Variants in PRICKLE1 observed in about 807,000 individuals in gnomAD.
PRICKLE1 encodes the protein prickle-like protein 1.
PRICKLE1 carries 14 observed loss-of-function variants against 70.2 expected under a neutral mutation model. The ratio of observed to expected loss-of-function variants is 0.20; its 90% CI spans 0.13 to 0.31. The LOEUF is 0.31. Ranked by LOEUF, PRICKLE1 falls within the 10% of genes least tolerant of loss-of-function variation. PRICKLE1 has a pLI of 1.00. For synonymous variants in PRICKLE1, 357 were observed against 379.9 expected, an observed-to-expected ratio of 0.94 and a Z score of 0.70; for missense variants, 821 against 1,026.2, an observed-to-expected ratio of 0.80 and a Z score of 2.73.
intron 1 of PRICKLE1, among the ~76,000 whole-genome samples, chr12:42,583,059 A>T (rs939533037): frequency 6.6e-6 from 1 of 152,162 alleles, no homozygotes; most frequent in African/African-American, 2.4e-5. Flanking sequence ...ATATTTGCTT[A>T]TCAGTGAAAT....
intron 1 of PRICKLE1, among the ~76,000 whole-genome samples, chr12:42,519,189 T>C (rs1324597624): frequency 8.3e-6 from 1 of 120,926 alleles, no homozygotes; most frequent in Non-Finnish European, 1.7e-5. Context: ...CTTTCCTTTT[T>C]TTCCTTTTTT....
chr12:42,562,212 C>T (rs961752188), intron 1 of PRICKLE1, among the ~76,000 whole-genome samples: 1 of 152,028 alleles, frequency 6.6e-6, no homozygotes, highest in Non-Finnish European at 1.5e-5. Context: ...GCCTGGCTCC[C>T]ACCCATTTTC....
intron 1 of PRICKLE1, among the ~76,000 whole-genome samples, chr12:42,539,762 A>G (rs1382211160): frequency 1.3e-5 from 2 of 152,228 alleles, no homozygotes; most frequent in African/African-American, 2.4e-5. Flanking sequence ...TTTTTTAAAG[A>G]GTCCTTTGTG....
chr12:42,517,822 C>T (rs554021184), intron 1 of PRICKLE1, among the ~76,000 whole-genome samples: 48 of 152,096 alleles, frequency 3.2e-4, no homozygotes, highest in African/African-American at 9.4e-4. Flanking sequence ...GGGTACTTAA[C>T]AAGAAAAGTG....
chr12:42,582,605 A>C (rs562040543), intron 1 of PRICKLE1, among the ~76,000 whole-genome samples: 1 of 152,332 alleles, frequency 6.6e-6, no homozygotes, highest in South Asian at 2.1e-4. Flanking sequence ...TCAACATTAG[A>C]GCACTAAGCA....
At chr12:42,501,639 C>T (rs540417057) in intron 1 of PRICKLE1, among the ~76,000 whole-genome samples, 4 of 151,852 alleles carry the variant, frequency 2.6e-5, no homozygotes, top group East Asian at 3.9e-4. Context: ...CTGATTCCTA[C>T]GAATATCTTT....
At chr12:42,492,578 T>C (rs2140172108) in intron 1 of PRICKLE1, among the ~76,000 whole-genome samples, 1 of 152,324 alleles carries the variant, frequency 6.6e-6, no homozygotes, top group Middle Eastern at 3.4e-3. Context: ...AGACCCTTTC[T>C]GCAACTGTAG....
intron 1 of PRICKLE1, among the ~76,000 whole-genome samples, chr12:42,510,011 T>C (rs955815088): frequency 6.6e-6 from 1 of 151,024 alleles, no homozygotes; most frequent in Non-Finnish European, 1.5e-5. Flanking sequence ...AGGTGGAGAC[T>C]GCAGTGAGCC....
chr12:42,502,939 A>G (rs527656198), intron 1 of PRICKLE1, among the ~76,000 whole-genome samples: 19 of 152,316 alleles, frequency 1.2e-4, no homozygotes, highest in African/African-American at 3.6e-4. Flanking sequence ...GCTGAAATTA[A>G]AGATGTTTTA....
chr12:42,568,476 G>A (rs530888985), intron 1 of PRICKLE1, among the ~76,000 whole-genome samples: 2 of 152,222 alleles, frequency 1.3e-5, no homozygotes, highest in South Asian at 4.2e-4. Context: ...TGCCCAGCCC[G>A]CATTATTTTA....
chr12:42,563,418 G>A (rs567880388), intron 1 of PRICKLE1, among the ~76,000 whole-genome samples: 1 of 151,712 alleles, frequency 6.6e-6, no homozygotes, highest in African/African-American at 2.4e-5. Flanking sequence ...AAAATCTTTT[G>A]GCCGGGCGTG....
chr12:42,508,904 T>C (rs1289358613), intron 1 of PRICKLE1, among the ~76,000 whole-genome samples: 1 of 152,252 alleles, frequency 6.6e-6, no homozygotes, highest in Non-Finnish European at 1.5e-5. Context: ...CTCTAAGTTC[T>C]TTTGGCTATG....
At chr12:42,480,871 G>T (rs1938767990) in intron 1 of PRICKLE1, among the ~76,000 whole-genome samples, 1 of 152,154 alleles carries the variant, frequency 6.6e-6, no homozygotes, top group Non-Finnish European at 1.5e-5. Context: ...CAGGCAATGG[G>T]AAGCTGCAAA....
intron 1 of PRICKLE1, among the ~76,000 whole-genome samples, chr12:42,503,017 C>T (rs532375832): frequency 1.8e-4 from 28 of 152,270 alleles, no homozygotes; most frequent in African/African-American, 5.3e-4. Context: ...CATATGATTA[C>T]GATAAACTCT....
At chr12:42,484,013 A>G (rs1262350792) in intron 1 of PRICKLE1, 2 of 1,502 alleles carry the variant, frequency 1.3e-3, no homozygotes, top group African/African-American at 5.3e-3. Flanking sequence ...GCCCGCAGTA[A>G]AAAAAAAAAA....
In PRICKLE1 at chr12:42,517,209, C is replaced by T. The variant is rs187260824; in HGVS notation, c.-48-44645G>A. On this transcript the variant is annotated intron_variant, in intron 1 of 7. Transcript: ENST00000345127. ...TTATTTTCTTCTTTCCCATTTTATT[C>T]ATCTTTGTGGGTTACTTCTTTTTTA... Among the ~76,000 whole-genome samples the T allele has an allele frequency of 5.9e-5, 9 of 151,430 alleles. 1 individual carries two copies. The East Asian group carries it at 1.4e-3, about 23-fold the overall frequency.
At chr12:42,489,521 C>G (rs993805122) in intron 1 of PRICKLE1, among the ~76,000 whole-genome samples, 4 of 150,878 alleles carry the variant, frequency 2.7e-5, no homozygotes, top group Non-Finnish European at 5.9e-5. Context: ...ATTAGCCGGG[C>G]ATGGTGGCAG....
chr12:42,509,514 A>G (rs1054635592), intron 1 of PRICKLE1, among the ~76,000 whole-genome samples: 1 of 152,058 alleles, frequency 6.6e-6, no homozygotes, highest in African/African-American at 2.4e-5. Flanking sequence ...TGTCTGTTTG[A>G]TGTCTGTGGT....
chr12:42,527,128 CT>C (rs386376309), intron 1 of PRICKLE1, among the ~76,000 whole-genome samples: 4 of 100,778 alleles, frequency 4.0e-5, no homozygotes, highest in Non-Finnish European at 5.5e-5. Flanking sequence ...TTTTTTTCCT[CT>C]TTTTTTTTTT....
Sources: allele counts gnomAD v4.1 joint callset (sites outside exome capture counted in the v4.1 genomes callset), GRCh38; gene constraint gnomAD v4.1.1; transcripts MANE v1.5; gene names NCBI Gene and HGNC (gene_info 2026-07-23, HGNC 2026-07-21).